The following COX8C variants were observed in gnomAD, a reference collection of about 807,000 sequenced individuals.
The protein encoded by COX8C is cytochrome c oxidase subunit 8C.
Under a neutral mutation model 3.5 loss-of-function variants are expected in COX8C, and 3 were observed. That is an observed-to-expected ratio of 0.86 (90% CI 0.39 to 2.24). The LOEUF (loss-of-function observed/expected upper bound fraction) is 2.24, where lower values mean the gene tolerates loss of function less well. COX8C is among the 30% of genes most tolerant of loss of function. The pLI is 0.05. For missense variants in COX8C, 113 were observed against 102.5 expected, an observed-to-expected ratio of 1.10 and a Z score of -0.44; for synonymous variants, 46 against 44.1, an observed-to-expected ratio of 1.04 and a Z score of -0.17.
chr14:93,347,873 T>C (rs2053895856), intron 1 of COX8C, among the ~76,000 whole-genome samples, 155 bp from the exon 2 acceptor site: 2 of 151,990 alleles, frequency 1.3e-5, no homozygotes, highest in Non-Finnish European at 2.9e-5. Context: ...AGGTGATCCA[T>C]GAATCGATTT....
intron 1 of COX8C, 80 bp downstream of exon 1, chr14:93,347,474 G>A (rs2139900052): frequency 1.5e-6 from 2 of 1,363,322 alleles, no homozygotes; most frequent in East Asian, 5.9e-5. Context: ...GGAGAAGGGA[G>A]GACACGGCGT....
chr14:93,347,905 G>C (rs2053897298), intron 1 of COX8C, 123 bp from the exon 2 acceptor site: 1 of 590,312 alleles, frequency 1.7e-6, no homozygotes, highest in African/African-American at 1.9e-5. Flanking sequence ...GATTTCACTA[G>C]GCGCCTGTTT....
rs2053877391 is a variant in COX8C at position 93,347,434 on chromosome 14, G to A, written c.126+40G>A. The A allele has an allele frequency of 2.1e-6, 3 of 1,433,494 alleles. No homozygotes were observed. The East Asian group carries it at 8.2e-5, about 39-fold the overall frequency. 88.8% of individuals were successfully genotyped at this position (1,433,494 alleles called of 1,614,324 possible). ...AGCCATCATGGTGGGCGGGAAGCGC[G>A]TGGCCCTGGCGGGGCGCCCCGACGG... is the stretch of plus-strand genomic sequence containing the variant. On this transcript the variant is annotated intron_variant, in intron 1 of 1. Coordinates refer to ENST00000342144, the MANE Select transcript of COX8C (RefSeq NM_182971.3).
chr14:93,347,944 GTTTT>G lies in COX8C; in HGVS notation c.127-79_127-76del, dbSNP rs758579578. 5 of 823,040 alleles carry G rather than the reference GTTTT, an allele frequency of 6.1e-6. No homozygotes were observed. In the East Asian group the frequency reaches 1.2e-4, roughly 20 times the overall value. 51.0% of individuals were successfully genotyped at this position (823,040 alleles called of 1,614,324 possible). A position where few individuals can be genotyped will look rare whatever the true frequency, so the allele number is the denominator to read the frequency against. The stretch of plus-strand genomic sequence containing the variant: ...GGACAACGGTCTAGGTGCTCAAAAT[GTTTT>G]TTTTAAGCACTTTTTGTTAGGCAGC... On this transcript the variant is annotated intron_variant, in intron 1 of 1. Coordinates refer to ENST00000342144, the MANE Select transcript of COX8C (RefSeq NM_182971.3).
At position 93,347,385 on chromosome 14, in the gene COX8C, G is replaced by C; in HGVS notation, c.117G>C (p.Leu39=). ...AHSGPPRQRP[L]SAAEMAVGLV... is the part of the protein sequence containing the mutation. ...CGGGGCCCCCGCGCCAGCGGCCCCTGTCTGCCGCGGTGAGTTGAGGCCCAG... is the reference window on the plus strand; with the variant it reads ...CGGGGCCCCCGCGCCAGCGGCCCCTCTCTGCCGCGGTGAGTTGAGGCCCAG... The change falls in exon 1 of 2, where the codon CTG becomes CTC. Residue 39 remains leucine, a synonymous_variant. Transcript: ENST00000342144. 6.5e-7 allele frequency: 1 copy of C among 1,539,076 alleles called. No homozygotes were observed. Among genetic ancestry groups the C allele is most frequent in the East Asian group, 2.4e-5 (1 of 41,816 alleles).
intron 1 of COX8C, 150 bp downstream of exon 1, chr14:93,347,544 T>G: frequency 1.0e-6 from 1 of 973,948 alleles, no homozygotes; most frequent in Non-Finnish European, 1.4e-6. Context: ...TTCCTGTGGC[T>G]TGGTCGCCTT....
intron 1 of COX8C, 88 bp from the exon 2 acceptor site, chr14:93,347,940 A>G (rs1319058120): frequency 1.2e-6 from 1 of 802,836 alleles, no homozygotes. Context: ...TAGGTGCTCA[A>G]AATGTTTTTT....
intron 1 of COX8C, 26 bp downstream of exon 1, chr14:93,347,420 T>C (rs11629131): frequency 0.025 from 36,077 of 1,466,452 alleles, 631 homozygotes; most frequent in South Asian, 0.071. Context: ...GCCATCATGG[T>C]GGGCGGGAAG....
chr14:93,347,312 G>A lies in COX8C; in HGVS notation c.44G>A (p.Arg15His), dbSNP rs930481309. 2 of 1,605,382 alleles carry A rather than the reference G, an allele frequency of 1.2e-6. No individual in the cohort carries two copies. The highest frequency in any genetic ancestry group is 8.5e-7 in the Non-Finnish European group (1 of 1,178,194). The change falls in exon 1 of 2, where the codon CGC (arginine) becomes CAC (histidine). Residue 15 changes from arginine (R) to histidine (H), a missense_variant. Coordinates refer to ENST00000342144, the MANE Select transcript of COX8C (RefSeq NM_182971.3). ...RGRCPARRHYRRLALLGLQPA... is the reference protein window; with the variant it reads ...RGRCPARRHYHRLALLGLQPA... ...CGCTGTCCTGCCCGCCGCCACTACCGCCGCTTGGCCCTGCTCGGCCTGCAG... is the reference window on the plus strand; with the variant it reads ...CGCTGTCCTGCCCGCCGCCACTACCACCGCTTGGCCCTGCTCGGCCTGCAG...
intron 1 of COX8C, 32 bp downstream of exon 1, chr14:93,347,426 G>C: frequency 6.9e-7 from 1 of 1,457,298 alleles, no homozygotes; most frequent in Non-Finnish European, 9.0e-7. Context: ...ATGGTGGGCG[G>C]GAAGCGCGTG....
intron 1 of COX8C, 111 bp downstream of exon 1, chr14:93,347,505 TC>T: frequency 8.0e-7 from 1 of 1,243,774 alleles, no homozygotes; most frequent in Non-Finnish European, 1.0e-6. Flanking sequence ...CGTGGGAGGC[TC>T]TTGTGGCTTG....
In COX8C at chr14:93,347,209, GT is replaced by G; in HGVS notation, c.-58del. 1 of 1,513,630 alleles carries G rather than the reference GT, an allele frequency of 6.6e-7. No individual in the cohort carries two copies. The highest frequency in any genetic ancestry group is 8.9e-7 in the Non-Finnish European group (1 of 1,125,818). 93.8% of individuals were successfully genotyped at this position (1,513,630 alleles called of 1,614,324 possible). On this transcript the variant is annotated 5_prime_UTR_variant, in exon 1 of 2. Transcript: ENST00000342144. The stretch of plus-strand genomic sequence containing the variant: ...CTGCCTCACGAGCACTGGAGCTTGC[GT>G]TACTTGGCCTCACCTCACCTGTGCT...
intron 1 of COX8C, 37 bp downstream of exon 1, chr14:93,347,431 C>A: frequency 7.0e-7 from 1 of 1,438,016 alleles, no homozygotes; most frequent in Non-Finnish European, 9.1e-7. Context: ...GGGCGGGAAG[C>A]GCGTGGCCCT....
chr14:93,347,314 C>T lies in COX8C; in HGVS notation c.46C>T (p.Arg16Cys), dbSNP rs1262066604. ...CTGTCCTGCCCGCCGCCACTACCGC[C>T]GCTTGGCCCTGCTCGGCCTGCAGCC... ...GRCPARRHYR[R>C]LALLGLQPAP... Residue 16 changes from arginine (R) to cysteine (C), a missense_variant, in exon 1 of 2, where the codon CGC (arginine) becomes TGC (cysteine). Coordinates refer to ENST00000342144, the MANE Select transcript of COX8C (RefSeq NM_182971.3). The T allele has an allele frequency of 4.4e-6, 7 of 1,605,600 alleles. No homozygotes were observed. The highest frequency in any genetic ancestry group is 1.7e-5 in the Admixed American group (1 of 59,834).
Position 93,348,096 on chromosome 14 carries a change from C to A in COX8C, c.195C>A (p.Asn65Lys). The part of the protein sequence containing the change: ...FLTPAAYVLG[N>K]LKQFRRN ...CACCAGCTGCATATGTGCTAGGCAA[C>A]CTGAAGCAGTTCAGAAGGAATTAGA... Residue 65 changes from asparagine (N) to lysine (K), a missense_variant, in exon 2 of 2, where the codon AAC becomes AAA. By Grantham distance (94) the Asn-to-Lys change is moderately conservative. Transcript: ENST00000342144. 6.2e-7 allele frequency: 1 copy of A among 1,608,198 alleles called. No homozygotes were observed. Among genetic ancestry groups the A allele is most frequent in the Non-Finnish European group, 8.5e-7 (1 of 1,174,682 alleles).
In COX8C at chr14:93,347,308, T is replaced by C. The variant is rs2053869450; in HGVS notation, c.40T>C (p.Tyr14His). Residue 14 changes from tyrosine (Y) to histidine (H), a missense_variant, in exon 1 of 2, where the codon TAC becomes CAC. Transcript: ENST00000342144. ...TGGGCGCTGTCCTGCCCGCCGCCAC[T>C]ACCGCCGCTTGGCCCTGCTCGGCCT... ...LRGRCPARRH[Y>H]RRLALLGLQP... 1.9e-6 allele frequency: 3 copies of C among 1,605,786 alleles called. No homozygotes were observed. The highest frequency in any genetic ancestry group is 2.5e-6 in the Non-Finnish European group (3 of 1,178,182).
rs1195280342 is a variant in COX8C, at chr14:93,347,240, A to G, written c.-29A>G. The G allele has an allele frequency of 5.1e-6, 8 of 1,582,180 alleles. No homozygotes were observed. Among genetic ancestry groups the G allele is most frequent in the Non-Finnish European group, 6.9e-6 (8 of 1,164,590 alleles). ...TGGCCTCACCTCACCTGTGCTGTCC[A>G]CGCCTGGCTTTGTCTCACCTGACGC... On this transcript the variant is annotated 5_prime_UTR_variant, in exon 1 of 2. Coordinates refer to ENST00000342144, the MANE Select transcript of COX8C (RefSeq NM_182971.3).
intron 1 of COX8C, 131 bp from the exon 2 acceptor site, chr14:93,347,897 T>C: frequency 1.7e-6 from 1 of 582,572 alleles, no homozygotes; most frequent in Non-Finnish European, 3.1e-6. Flanking sequence ...GCATTTTAGA[T>C]TTCACTAGGC....
In COX8C at chr14:93,347,274, T is replaced by C; in HGVS notation, c.6T>C (p.Pro2=). 1 of 1,604,068 alleles carries C rather than the reference T, an allele frequency of 6.2e-7. No homozygotes were observed. The highest frequency in any genetic ancestry group is 1.1e-5 in the South Asian group (1 of 90,282). The change falls in exon 1 of 2, where the codon CCT becomes CCC. Residue 2 remains proline, a synonymous_variant. Transcript: ENST00000342144. M[P]LLRGRCPARR... ...TTTGTCTCACCTGACGCGATATGCC[T>C]CTCCTGCGTGGGCGCTGTCCTGCCC...
Sources: gnomAD v4.1 joint callset for allele counts (sites outside exome capture counted in the v4.1 genomes callset) on GRCh38, gnomAD v4.1.1 for gene constraint, MANE v1.5 for transcripts, NCBI Gene and HGNC (gene_info 2026-07-23, HGNC 2026-07-21) for gene names.